Variants in HDAC8 observed in about 807,000 individuals in gnomAD.
HDAC8 encodes the protein histone deacetylase 8.
Under a neutral mutation model 32.2 loss-of-function variants are expected in HDAC8, and 1 was observed. The ratio of observed to expected loss-of-function variants is 0.03; its 90% confidence interval spans 0.01 to 0.15. The LOEUF is 0.15. Among genes scored for constraint, HDAC8 ranks in the 10% least tolerant of loss-of-function variants. The pLI is 1.00. For missense variants in HDAC8, 117 were observed against 300.0 expected (o/e 0.39, Z 4.51); for synonymous variants, 108 against 113.9 (o/e 0.95, Z 0.33).
chrX:72,542,100 A>G lies in HDAC8; in HGVS notation c.437+25789T>C, dbSNP rs2050725566. ...ATTGATCACCATGTCCATTCTGTCA[A>G]TTATACTTCCCAAATTACTCTCAAG... On this transcript the variant is annotated intron_variant, in intron 4 of 10. Transcript: ENST00000373573. Among the ~76,000 whole-genome samples the G allele has an allele frequency of 3.6e-5, 4 of 112,275 alleles. No homozygotes were observed. In the Admixed American group the frequency reaches 3.8e-4, roughly 11 times the overall value.
intron 4 of HDAC8, among the ~76,000 whole-genome samples, chrX:72,531,287 A>G (rs1420849412): frequency 1.8e-5 from 2 of 112,149 alleles, no homozygotes; most frequent in Admixed American, 9.4e-5. Context: ...TAAAATCTAT[A>G]CTATCTAAAG....
rs1556159350 is a variant in HDAC8, at chrX:72,572,037, G to T, written c.164+20C>A. ...TACGAACACCTAGCTTCAGGGCTAT[G>T]TTCAAGAAAGACAACTTACCTCATC... On this transcript the variant is annotated intron_variant, in intron 2 of 10. Coordinates refer to ENST00000373573, the MANE Select transcript of HDAC8 (RefSeq NM_018486.3). 3 of 1,174,193 alleles carry T rather than the reference G, an allele frequency of 2.6e-6. No individual in the cohort carries two copies. The highest frequency in any genetic ancestry group is 3.4e-6 in the Non-Finnish European group (3 of 875,071).
chrX:72,547,766 T>C (rs781934674), intron 4 of HDAC8, among the ~76,000 whole-genome samples: 2 of 111,888 alleles, frequency 1.8e-5, no homozygotes, highest in East Asian at 5.7e-4. Context: ...ACCTACTGCT[T>C]AGTGTTCCTC....
chrX:72,469,523 A>T (rs1348936086), intron 7 of HDAC8, among the ~76,000 whole-genome samples: 1 of 111,765 alleles, frequency 8.9e-6, no homozygotes, highest in Non-Finnish European at 1.9e-5. Flanking sequence ...TCATTTTGAA[A>T]ACTTACTTTA....
intron 4 of HDAC8, among the ~76,000 whole-genome samples, chrX:72,544,329 G>T (rs1428773232): frequency 2.7e-5 from 3 of 111,918 alleles, no homozygotes; most frequent in Non-Finnish European, 5.6e-5. Flanking sequence ...ACACCTGGAT[G>T]TTGAAGGCAT....
intron 8 of HDAC8, chrX:72,464,351 AG>A: frequency 2.3e-6 from 1 of 427,702 alleles, no homozygotes; most frequent in Admixed American, 3.8e-5. Context: ...AGTGCCAAGA[AG>A]TCAATGCACA....
At chrX:72,561,060 T>C in intron 4 of HDAC8, among the ~76,000 whole-genome samples, 1 of 111,139 alleles carries the variant, frequency 9.0e-6, no homozygotes, top group Non-Finnish European at 1.9e-5. Context: ...ACAACACAAA[T>C]GAAAACACAT....
chrX:72,560,581 A>AG (rs2051517572), intron 4 of HDAC8, among the ~76,000 whole-genome samples: 2 of 106,760 alleles, frequency 1.9e-5, no homozygotes, highest in Admixed American at 1.0e-4. Context: ...AAAAAAAAAA[A>AG]AAAAAAAAAG....
chrX:72,567,449 A>G (rs1257387017), intron 4 of HDAC8: 1 of 250,125 alleles, frequency 4.0e-6, no homozygotes, highest in African/African-American at 2.7e-5. Context: ...AAGTCTCTTC[A>G]GCTCATACAT....
chrX:72,572,552 C>T (rs1264267892), intron 1 of HDAC8, 99 bp downstream of exon 1: 1 of 577,405 alleles, frequency 1.7e-6, no homozygotes. Flanking sequence ...CTGAAGATTT[C>T]CCCCAGCCCA....
At chrX:72,456,285 T>C (rs1436391392) in intron 9 of HDAC8, among the ~76,000 whole-genome samples, 1 of 111,845 alleles carries the variant, frequency 8.9e-6, no homozygotes, top group Non-Finnish European at 1.9e-5. Context: ...TTATTCTACT[T>C]AAAATGAATT....
chrX:72,379,926 A>G (rs369385521), intron 9 of HDAC8, among the ~76,000 whole-genome samples: 185 of 111,146 alleles, frequency 1.7e-3, no homozygotes, highest in African/African-American at 5.7e-3. Flanking sequence ...GCTTAAATTC[A>G]TGGAGCCAGT....
intron 9 of HDAC8, among the ~76,000 whole-genome samples, chrX:72,434,492 CA>C (rs2046899424): frequency 2.7e-5 from 3 of 111,446 alleles, no homozygotes. Context: ...TGTTTTTGCT[CA>C]TACTCACCTT....
At chrX:72,334,005 C>T (rs193116884) in intron 10 of HDAC8, among the ~76,000 whole-genome samples, 15 of 112,571 alleles carry the variant, frequency 1.3e-4, no homozygotes, top group African/African-American at 4.8e-4. Context: ...CTGCCTCACT[C>T]TCCAGTTAAA....
intron 9 of HDAC8, among the ~76,000 whole-genome samples, chrX:72,423,349 T>C (rs2046545122): frequency 8.9e-6 from 1 of 111,804 alleles, no homozygotes; most frequent in African/African-American, 3.2e-5. Context: ...CAATTTTTAC[T>C]CCCCAGAAAT....
At chrX:72,551,279 C>T (rs2051063306) in intron 4 of HDAC8, among the ~76,000 whole-genome samples, 1 of 111,725 alleles carries the variant, frequency 9.0e-6, no homozygotes. Flanking sequence ...GCAAAATCAG[C>T]CCTCTTAAAG....
chrX:72,562,506 A>G (rs2051604885), intron 4 of HDAC8, among the ~76,000 whole-genome samples: 1 of 111,033 alleles, frequency 9.0e-6, no homozygotes, highest in Non-Finnish European at 1.9e-5. Flanking sequence ...AGAACAACAC[A>G]TTAGACTTTG....
chrX:72,390,516 C>T (rs1393169836), intron 9 of HDAC8, among the ~76,000 whole-genome samples: 3 of 111,972 alleles, frequency 2.7e-5, no homozygotes, highest in African/African-American at 9.7e-5. Flanking sequence ...GCACACTGAA[C>T]CTAGCATTGT....
chrX:72,500,323 C>G (rs1184305187), intron 4 of HDAC8, among the ~76,000 whole-genome samples: 2 of 111,152 alleles, frequency 1.8e-5, no homozygotes, highest in South Asian at 3.8e-4. Context: ...AGAGATACAA[C>G]AAAAAAGAAA....
Sources: allele counts gnomAD v4.1 joint callset (sites outside exome capture counted in the v4.1 genomes callset), GRCh38; gene constraint gnomAD v4.1.1; transcripts MANE v1.5; gene names NCBI Gene and HGNC (gene_info 2026-07-23, HGNC 2026-07-21).